Variants in LRRC28 observed in about 807,000 individuals in gnomAD.
The protein encoded by LRRC28 is leucine rich repeat containing 28.
In LRRC28, 39 loss-of-function variants were observed where a neutral mutation model predicts 45.7. The ratio of observed to expected loss-of-function variants is 0.85; its 90% CI spans 0.66 to 1.12. LRRC28 has a LOEUF of 1.12. LRRC28 is among the 50% of genes most tolerant of loss of function. The pLI, the probability that LRRC28 is intolerant of heterozygous loss-of-function variation, is 0.00. For missense variants in LRRC28, 435 were observed against 438.5 expected, an observed-to-expected ratio of 0.99 and a Z score of 0.07; for synonymous variants, 206 against 178.8, an observed-to-expected ratio of 1.15 and a Z score of -1.22.
At chr15:99,303,350 G>A (rs1195932827) in intron 5 of LRRC28, among the ~76,000 whole-genome samples, 1 of 152,006 alleles carries the variant, frequency 6.6e-6, no homozygotes, top group Non-Finnish European at 1.5e-5. Flanking sequence ...TTATTGTATT[G>A]TAAGAGTTCT....
intron 8 of LRRC28, among the ~76,000 whole-genome samples, 161 bp from the exon 9 acceptor site, chr15:99,362,945 A>T (rs1455168152): frequency 1.3e-5 from 2 of 152,216 alleles, no homozygotes; most frequent in Non-Finnish European, 2.9e-5. Context: ...TCATTTTCAA[A>T]TGTTAGATTT....
chr15:99,255,044 C>T (rs1244526825), intron 1 of LRRC28, among the ~76,000 whole-genome samples: 1 of 152,020 alleles, frequency 6.6e-6, no homozygotes, highest in Non-Finnish European at 1.5e-5. Context: ...TCTTTGATGC[C>T]TCTGATAATC....
intron 1 of LRRC28, among the ~76,000 whole-genome samples, chr15:99,255,414 A>G (rs1006728294): frequency 1.3e-5 from 2 of 152,114 alleles, no homozygotes; most frequent in African/African-American, 4.8e-5. Flanking sequence ...ATCAGAATAT[A>G]GGACAATATT....
intron 9 of LRRC28, among the ~76,000 whole-genome samples, chr15:99,380,904 G>C (rs1490165756): frequency 1.3e-5 from 2 of 152,352 alleles, no homozygotes; most frequent in South Asian, 4.1e-4. Flanking sequence ...GAGATCCGCT[G>C]TTCGTCTGAT....
At chr15:99,318,089 C>G (rs1320115196) in intron 5 of LRRC28, among the ~76,000 whole-genome samples, 1 of 152,112 alleles carries the variant, frequency 6.6e-6, no homozygotes, top group African/African-American at 2.4e-5. Flanking sequence ...TTAGAAGCAT[C>G]ATACAATTTT....
At chr15:99,365,043 A>G (rs1957303806) in intron 9 of LRRC28, among the ~76,000 whole-genome samples, 1 of 152,352 alleles carries the variant, frequency 6.6e-6, no homozygotes, top group Admixed American at 6.5e-5. Flanking sequence ...TGATAGGGTC[A>G]GGATGCTCAG....
intron 3 of LRRC28, chr15:99,287,018 T>G (rs901713717): frequency 5.4e-6 from 2 of 373,664 alleles, no homozygotes; most frequent in Middle Eastern, 7.2e-4. Flanking sequence ...GCTTTTATTT[T>G]AAAATAACAA....
At chr15:99,331,240 CA>C (rs2152290568) in intron 5 of LRRC28, among the ~76,000 whole-genome samples, 1 of 152,076 alleles carries the variant, frequency 6.6e-6, no homozygotes, top group South Asian at 2.1e-4. Flanking sequence ...GGATTTTTTT[CA>C]AATACCTTTA....
At chr15:99,370,822 A>G (rs1480877336) in intron 9 of LRRC28, among the ~76,000 whole-genome samples, 2 of 152,252 alleles carry the variant, frequency 1.3e-5, no homozygotes, top group African/African-American at 2.4e-5. Context: ...ACATACACAC[A>G]TATTGAAACA....
chr15:99,361,658 A>C, intron 8 of LRRC28, 147 bp downstream of exon 8: 1 of 745,314 alleles, frequency 1.3e-6, no homozygotes, highest in Non-Finnish European at 2.1e-6. Flanking sequence ...TCCATCTTTA[A>C]GTATACAGTT....
intron 5 of LRRC28, among the ~76,000 whole-genome samples, chr15:99,307,080 C>T (rs766048171): frequency 1.2e-4 from 18 of 152,272 alleles, no homozygotes; most frequent in Non-Finnish European, 2.4e-4. Context: ...GTTTAATTGC[C>T]ATTAGACTGT....
intron 5 of LRRC28, among the ~76,000 whole-genome samples, chr15:99,307,658 T>G (rs1955235824): frequency 6.6e-6 from 1 of 152,218 alleles, no homozygotes. Flanking sequence ...CCCAGTTTAT[T>G]TCTATCCTCT....
At chr15:99,293,769 G>A (rs1168651506) in intron 5 of LRRC28, among the ~76,000 whole-genome samples, 1 of 151,996 alleles carries the variant, frequency 6.6e-6, no homozygotes, top group Non-Finnish European at 1.5e-5. Context: ...TTACTGGTGT[G>A]AGCCACTGCA....
At chr15:99,349,866 G>A (rs1397512442) in intron 6 of LRRC28, among the ~76,000 whole-genome samples, 1 of 152,200 alleles carries the variant, frequency 6.6e-6, no homozygotes, top group African/African-American at 2.4e-5. Flanking sequence ...GCCGGGCGCG[G>A]TGGCTCACGC....
At chr15:99,368,502 C>G (rs542621542) in intron 9 of LRRC28, among the ~76,000 whole-genome samples, 1 of 152,278 alleles carries the variant, frequency 6.6e-6, no homozygotes, top group Admixed American at 6.5e-5. Flanking sequence ...AATCACACCC[C>G]CTTAGTCCTG....
chr15:99,376,735 C>T (rs1957648257), intron 9 of LRRC28, among the ~76,000 whole-genome samples: 3 of 152,126 alleles, frequency 2.0e-5, no homozygotes, highest in African/African-American at 7.2e-5. Context: ...TGATGTTCCC[C>T]TTCCTGTGTC....
intron 3 of LRRC28, chr15:99,285,311 ACAGCTGTCTTTAGT>A: frequency 1.4e-6 from 1 of 740,428 alleles, no homozygotes; most frequent in East Asian, 2.5e-5. Context: ...TTCTCTTGAG[ACAGCTGTCTTTAGT>A]CCCACAACTC....
intron 9 of LRRC28, among the ~76,000 whole-genome samples, chr15:99,376,218 A>G (rs990399678): frequency 1.3e-5 from 2 of 151,954 alleles, no homozygotes; most frequent in Non-Finnish European, 2.9e-5. Flanking sequence ...TTTTTGACCT[A>G]TGGAAGTGTG....
intron 3 of LRRC28, among the ~76,000 whole-genome samples, chr15:99,277,522 G>T (rs1372747785): frequency 6.6e-6 from 1 of 151,658 alleles, no homozygotes; most frequent in Non-Finnish European, 1.5e-5. Context: ...TCACACCTAA[G>T]GAAAGTAATA....
Sources: gnomAD v4.1 joint callset for allele counts (sites outside exome capture counted in the v4.1 genomes callset) on GRCh38, gnomAD v4.1.1 for gene constraint, MANE v1.5 for transcripts, NCBI Gene and HGNC (gene_info 2026-07-23, HGNC 2026-07-21) for gene names.